The following PCDH11X variants were observed in gnomAD, a reference collection of about 807,000 sequenced individuals.
PCDH11X encodes protocadherin 11 X-linked.
A neutral mutation model predicts 53.3 loss-of-function variants in PCDH11X; 18 were observed. That is an observed-to-expected ratio of 0.34 (90% CI 0.23 to 0.50). The LOEUF (loss-of-function observed/expected upper bound fraction) is 0.50, where lower values mean the gene tolerates loss of function less well. PCDH11X is among the 20% of genes least tolerant of loss of function. PCDH11X has a pLI of 0.98. For synonymous variants in PCDH11X, 279 were observed against 393.3 expected (o/e 0.71, Z 3.44); for missense variants, 570 against 1,032.4 (o/e 0.55, Z 6.14).
At chrX:92,098,657 T>TC (rs2064183933) in intron 6 of PCDH11X, among the ~76,000 whole-genome samples, 2 of 98,148 alleles carry the variant, frequency 2.0e-5, no homozygotes, top group Non-Finnish European at 4.1e-5. Flanking sequence ...TTTTTTTTTT[T>TC]TTTTTGAGAC....
intron 6 of PCDH11X, among the ~76,000 whole-genome samples, chrX:92,181,504 A>G (rs2065997438): frequency 8.9e-6 from 1 of 111,883 alleles, no homozygotes; most frequent in African/African-American, 3.2e-5. Flanking sequence ...AATCCCCAAG[A>G]CAGTGGGGAA....
chrX:92,411,527 T>C (rs2071646751), intron 9 of PCDH11X, among the ~76,000 whole-genome samples: 1 of 108,361 alleles, frequency 9.2e-6, no homozygotes, highest in Non-Finnish European at 1.9e-5. Flanking sequence ...GAACATGCAG[T>C]ATTTGGTTTT....
intron 8 of PCDH11X, among the ~76,000 whole-genome samples, chrX:92,352,343 T>G (rs1452565054): frequency 8.9e-6 from 1 of 112,110 alleles, no homozygotes; most frequent in Non-Finnish European, 1.9e-5. Context: ...TTGTGATTGC[T>G]TTTTATTTAT....
At chrX:91,790,557 A>G (rs1447589845) in intron 1 of PCDH11X, among the ~76,000 whole-genome samples, 1 of 112,297 alleles carries the variant, frequency 8.9e-6, no homozygotes, top group Non-Finnish European at 1.9e-5. Flanking sequence ...ATTTTGCAGA[A>G]CAACAACAGC....
intron 10 of PCDH11X, among the ~76,000 whole-genome samples, chrX:92,499,429 C>A (rs2073916531): frequency 1.4e-5 from 1 of 70,036 alleles, no homozygotes; most frequent in Admixed American, 1.8e-4. Flanking sequence ...AAGTGCCTCT[C>A]CTCATCTGGA....
intron 7 of PCDH11X, among the ~76,000 whole-genome samples, chrX:92,224,372 T>A (rs1365131589): frequency 8.9e-6 from 1 of 112,005 alleles, no homozygotes; most frequent in African/African-American, 3.2e-5. Flanking sequence ...AATAGACTTT[T>A]TTGATCCTTG....
chrX:91,913,313 T>G (rs1941440863), intron 6 of PCDH11X, among the ~76,000 whole-genome samples: 2 of 111,548 alleles, frequency 1.8e-5, no homozygotes, highest in Admixed American at 9.5e-5. Context: ...CCTAAAGCCA[T>G]GCTTGCTTTC....
At chrX:92,071,732 A>G (rs1456763212) in intron 6 of PCDH11X, among the ~76,000 whole-genome samples, 1 of 111,397 alleles carries the variant, frequency 9.0e-6, no homozygotes, top group Non-Finnish European at 1.9e-5. Context: ...TGGAATCACC[A>G]GGCAGAGAGT....
chrX:91,945,233 A>C (rs1270686832), intron 6 of PCDH11X, among the ~76,000 whole-genome samples: 1 of 103,028 alleles, frequency 9.7e-6, no homozygotes, highest in East Asian at 3.1e-4. Flanking sequence ...TTTTATTTCA[A>C]TTTTATAATC....
chrX:92,238,517 G>T (rs2067209520), intron 7 of PCDH11X, among the ~76,000 whole-genome samples: 1 of 110,673 alleles, frequency 9.0e-6, no homozygotes, highest in African/African-American at 3.3e-5. Context: ...CAACTACTTT[G>T]GGGGGTTGTT....
intron 5 of PCDH11X, among the ~76,000 whole-genome samples, chrX:91,848,910 A>T (rs1937851008): frequency 9.0e-6 from 1 of 111,074 alleles, no homozygotes; most frequent in African/African-American, 3.3e-5. Context: ...TATCAGGATT[A>T]CTGATTTCTT....
At chrX:92,147,283 C>A (rs944115470) in intron 6 of PCDH11X, among the ~76,000 whole-genome samples, 2 of 107,906 alleles carry the variant, frequency 1.9e-5, no homozygotes, top group Admixed American at 2.0e-4. Context: ...AAATTTATTT[C>A]TCTTATTTGA....
intron 5 of PCDH11X, among the ~76,000 whole-genome samples, chrX:91,844,725 C>T (rs180783905): frequency 0.011 from 1,130 of 105,161 alleles, 8 homozygotes; most frequent in Non-Finnish European, 0.016. Flanking sequence ...ACAAGCCTTT[C>T]CTGGATGCTA....
intron 10 of PCDH11X, among the ~76,000 whole-genome samples, chrX:92,579,412 A>C (rs1307837754): frequency 9.3e-6 from 1 of 107,412 alleles, no homozygotes; most frequent in African/African-American, 3.4e-5. Context: ...CTTTTTACAT[A>C]ATTTGATAGT....
intron 6 of PCDH11X, among the ~76,000 whole-genome samples, chrX:92,139,898 T>C (rs1306680004): frequency 9.1e-6 from 1 of 110,446 alleles, no homozygotes; most frequent in African/African-American, 3.3e-5. Context: ...TAGTTATTCA[T>C]ATCTATATTA....
intron 6 of PCDH11X, among the ~76,000 whole-genome samples, chrX:92,156,595 G>T: frequency 8.9e-6 from 1 of 111,756 alleles, no homozygotes; most frequent in Admixed American, 9.5e-5. Context: ...CACTGTGAAT[G>T]CAGACATTTC....
Position 92,510,202 on chromosome X carries a change from T to C in PCDH11X, c.3367+41880T>C, listed in dbSNP as rs1444977209. On this transcript the variant is annotated intron_variant, in intron 10 of 10. Coordinates refer to ENST00000682573, the MANE Select transcript of PCDH11X (RefSeq NM_032968.5). ...ACTGAGGACAACATTGAAGTGTAAC[T>C]AACAGGGATCATTACCAGGCTATAA... 3.8e-5 allele frequency among the ~76,000 whole-genome samples: 4 copies of C among 106,137 alleles called. No individual in the cohort carries two copies. In the South Asian group the frequency reaches 1.3e-3, roughly 35 times the overall value. 92.2% of individuals were successfully genotyped at this position (106,137 alleles called of 115,157 possible).
At chrX:92,450,199 TAGA>T (rs2072750344) in intron 9 of PCDH11X, among the ~76,000 whole-genome samples, 2 of 110,530 alleles carry the variant, frequency 1.8e-5, no homozygotes, top group Admixed American at 1.9e-4. Flanking sequence ...AATCTTTGGT[TAGA>T]AGGTTATAGA....
intron 7 of PCDH11X, among the ~76,000 whole-genome samples, chrX:92,209,960 C>T (rs1246895937): frequency 9.0e-6 from 1 of 111,625 alleles, no homozygotes; most frequent in Non-Finnish European, 1.9e-5. Context: ...TCAAGCTGTA[C>T]CTTGGCCCTT....
Sources: allele counts gnomAD v4.1 joint callset (sites outside exome capture counted in the v4.1 genomes callset), GRCh38; gene constraint gnomAD v4.1.1; transcripts MANE v1.5; gene names NCBI Gene and HGNC (gene_info 2026-07-23, HGNC 2026-07-21).